The following C13orf42 variants were observed in gnomAD, a reference collection of about 807,000 sequenced individuals.
C13orf42 encodes uncharacterized protein C13orf42.
At chr13:51,144,250 A>C (rs1221332579) in intron 1 of C13orf42, among the ~76,000 whole-genome samples, 1 of 152,160 alleles carries the variant, frequency 6.6e-6, no homozygotes, top group Non-Finnish European at 1.5e-5. Context: ...TATCAAGCAG[A>C]ATAGGAATTA....
intron 1 of C13orf42, among the ~76,000 whole-genome samples, chr13:51,160,269 T>C (rs1953854480): frequency 1.3e-5 from 2 of 152,202 alleles, no homozygotes; most frequent in Non-Finnish European, 2.9e-5. Context: ...TCCCAGCATT[T>C]TGGGAGGCCG....
upstream of C13orf42, among the ~76,000 whole-genome samples, chr13:51,112,751 TTA>T (rs774296543): frequency 6.6e-6 from 1 of 152,146 alleles, no homozygotes; most frequent in East Asian, 1.9e-4. Context: ...GCTGGAGAGG[TTA>T]TGAGACTTGT....
chr13:51,123,956 A>G (rs1209688128), intron 1 of C13orf42, among the ~76,000 whole-genome samples: 1 of 152,246 alleles, frequency 6.6e-6, no homozygotes, highest in African/African-American at 2.4e-5. Context: ...CCACCAAGTT[A>G]GAATAAGAGG....
At chr13:51,086,297 C>G (rs1332172923) in intron 2 of C13orf42, among the ~76,000 whole-genome samples, 1 of 146,150 alleles carries the variant, frequency 6.8e-6, no homozygotes, top group Admixed American at 6.9e-5. Flanking sequence ...TGGAGCGAGA[C>G]TCCGTCTCAA....
chr13:51,119,018 G>A (rs1032888043), intron 1 of C13orf42, among the ~76,000 whole-genome samples: 1 of 151,978 alleles, frequency 6.6e-6, no homozygotes, highest in East Asian at 1.9e-4. Flanking sequence ...ATGCCCAAGA[G>A]TACAGTATGC....
chr13:51,125,499 T>G (rs147200994), intron 1 of C13orf42, among the ~76,000 whole-genome samples: 399 of 152,294 alleles, frequency 2.6e-3, no homozygotes, highest in Non-Finnish European at 4.2e-3. Flanking sequence ...TTCAATGCTG[T>G]AACTCAAAAA....
intron 1 of C13orf42, among the ~76,000 whole-genome samples, chr13:51,102,372 C>A (rs916599919): frequency 2.0e-5 from 3 of 152,174 alleles, no homozygotes; most frequent in East Asian, 1.9e-4. Flanking sequence ...GACCCTCCTG[C>A]CATAGAGGAG....
At chr13:51,163,096 T>C (rs4942966) in intron 1 of C13orf42, among the ~76,000 whole-genome samples, 32,483 of 152,064 alleles carry the variant, frequency 0.21, 4,083 homozygotes, top group Admixed American at 0.31. Flanking sequence ...CCAATTTCTG[T>C]CTCCCAAACC....
chr13:51,167,213 A>G (rs1953909651), intron 1 of C13orf42, among the ~76,000 whole-genome samples: 1 of 152,192 alleles, frequency 6.6e-6, no homozygotes, highest in Admixed American at 6.5e-5. Context: ...GCTGCATTTG[A>G]ACTCCAAAGG....
intron 1 of C13orf42, among the ~76,000 whole-genome samples, chr13:51,101,347 TTC>T (rs1238618567): frequency 4.6e-5 from 7 of 152,322 alleles, no homozygotes; most frequent in Non-Finnish European, 7.4e-5. Flanking sequence ...CCCTATACTT[TTC>T]TGTGTGTTAT....
chr13:51,123,336 C>T (rs1393283792), intron 1 of C13orf42, among the ~76,000 whole-genome samples: 1 of 152,204 alleles, frequency 6.6e-6, no homozygotes, highest in Non-Finnish European at 1.5e-5. Flanking sequence ...CTAAGGCTGA[C>T]CCAAGCTTCA....
intron 1 of C13orf42, among the ~76,000 whole-genome samples, chr13:51,093,581 T>C (rs973273543): frequency 6.6e-6 from 1 of 152,240 alleles, no homozygotes; most frequent in African/African-American, 2.4e-5. Context: ...TTTTAAATAA[T>C]AAGGTTAGTG....
rs1351819055 is a variant in C13orf42 at position 51,083,690 on chromosome 13, A to T, written c.*461T>A. On this transcript the variant is annotated 3_prime_UTR_variant, in exon 4 of 4. Coordinates refer to ENST00000563710, the MANE Select transcript of C13orf42 (RefSeq NM_001351589.3). ...ACACAAGACGGCAACCTCAGTGCAG[A>T]TCCAGCATGTCTCTGAGCCTCATAG... 1 of 152,942 alleles carries T rather than the reference A, an allele frequency of 6.5e-6. No individual in the cohort carries two copies. The highest frequency in any genetic ancestry group is 1.5e-5 in the Non-Finnish European group (1 of 68,524). The allele number at this position is 152,942 out of a possible 1,614,324, so 9.5% of individuals were successfully genotyped here. A position where few individuals can be genotyped will look rare whatever the true frequency, so the allele number is the denominator to read the frequency against.
At chr13:51,148,752 T>C (rs1953756842) in intron 1 of C13orf42, among the ~76,000 whole-genome samples, 1 of 152,172 alleles carries the variant, frequency 6.6e-6, no homozygotes, top group East Asian at 1.9e-4. Context: ...AGGGCCCAAA[T>C]GCCCCGCTGG....
intron 1 of C13orf42, among the ~76,000 whole-genome samples, chr13:51,152,900 T>A (rs543140016): frequency 1.3e-5 from 2 of 152,192 alleles, no homozygotes; most frequent in African/African-American, 4.8e-5. Flanking sequence ...TGGCTGTGGA[T>A]CCCATACATG....
At chr13:51,113,769 AC>A (rs1953458728), upstream of C13orf42, among the ~76,000 whole-genome samples, 1 of 152,040 alleles carries the variant, frequency 6.6e-6, no homozygotes, top group Non-Finnish European at 1.5e-5. Context: ...TGCCCATCAA[AC>A]CCCAAATCAG....
chr13:51,160,423 T>G (rs1340070870), intron 1 of C13orf42, among the ~76,000 whole-genome samples: 1 of 151,856 alleles, frequency 6.6e-6, no homozygotes, highest in Admixed American at 6.6e-5. Flanking sequence ...GGCAGGAGAG[T>G]CAATGAACCT....
intron 1 of C13orf42, among the ~76,000 whole-genome samples, chr13:51,130,678 G>A (rs1953609298): frequency 6.6e-6 from 1 of 152,150 alleles, no homozygotes; most frequent in African/African-American, 2.4e-5. Flanking sequence ...GACCTTATCT[G>A]CACTTCTGAC....
At chr13:51,085,086 C>A (rs1175757768) in intron 3 of C13orf42, among the ~76,000 whole-genome samples, 1 of 151,622 alleles carries the variant, frequency 6.6e-6, no homozygotes, top group East Asian at 1.9e-4. Flanking sequence ...GGGAGGCAGA[C>A]CCAGGAAGAA....
Sources: allele counts gnomAD v4.1 joint callset (sites outside exome capture counted in the v4.1 genomes callset), GRCh38; gene constraint gnomAD v4.1.1; transcripts MANE v1.5; gene names NCBI Gene and HGNC (gene_info 2026-07-23, HGNC 2026-07-21).